The following MECOM variants were observed in gnomAD, a reference collection of about 807,000 sequenced individuals.
MECOM encodes the protein MDS1 and EVI1 complex locus, also known as histone-lysine N-methyltransferase MECOM.
Under a neutral mutation model 116.3 loss-of-function variants are expected in MECOM, and 13 were observed. The ratio of observed to expected loss-of-function variants is 0.11; its 90% confidence interval spans 0.07 to 0.18. MECOM has a LOEUF of 0.18. Among genes scored for constraint, MECOM ranks in the 10% least tolerant of loss-of-function variants. The pLI, the probability that MECOM is intolerant of heterozygous loss-of-function variation, is 1.00. For missense variants in MECOM, 1,299 were observed against 1,509.0 expected (o/e 0.86, Z 2.31); for synonymous variants, 528 against 535.2 (o/e 0.99, Z 0.19).
In MECOM at chr3:169,208,860, CA is replaced by C. The variant is rs1183239778; in HGVS notation, c.376-65029del. On this transcript the variant is annotated intron_variant, in intron 2 of 16. Transcript: ENST00000651503. ...AACTACTTTAAATTTCATTTGGAAC[CA>C]AAAAAGAGCCTGTATAGCCAAGACA... 6.8e-4 allele frequency among the ~76,000 whole-genome samples: 94 copies of C among 137,828 alleles called. 1 individual carries two copies. Among genetic ancestry groups the C allele is most frequent in the Non-Finnish European group, 8.2e-4 (52 of 63,672 alleles). 90.4% of individuals were successfully genotyped at this position (137,828 alleles called of 152,430 possible).
At chr3:169,663,112 T>C (rs1458608146) in intron 1 of MECOM, among the ~76,000 whole-genome samples, 4 of 137,586 alleles carry the variant, frequency 2.9e-5, no homozygotes, top group Non-Finnish European at 4.6e-5. Context: ...TGCGCGGGAC[T>C]GAGGGCTGCC....
chr3:169,542,860 T>C (rs557798099), intron 1 of MECOM, among the ~76,000 whole-genome samples: 31 of 152,260 alleles, frequency 2.0e-4, no homozygotes, highest in Non-Finnish European at 3.5e-4. Flanking sequence ...ACTATGTCTT[T>C]GGAAAGTTGA....
intron 1 of MECOM, among the ~76,000 whole-genome samples, chr3:169,536,143 C>T (rs983411725): frequency 1.3e-5 from 2 of 152,172 alleles, no homozygotes; most frequent in African/African-American, 2.4e-5. Flanking sequence ...GTTCTGTCCT[C>T]TTTCTGGGAT....
At chr3:169,514,664 C>T (rs185499326) in intron 1 of MECOM, among the ~76,000 whole-genome samples, 27 of 152,286 alleles carry the variant, frequency 1.8e-4, no homozygotes, top group Middle Eastern at 3.4e-3. Context: ...CTCTTGCATG[C>T]GATAGGACAG....
chr3:169,582,788 T>G (rs556492880), intron 1 of MECOM, among the ~76,000 whole-genome samples: 8 of 152,346 alleles, frequency 5.3e-5, no homozygotes, highest in Non-Finnish European at 7.4e-5. Flanking sequence ...AGGAGGCACA[T>G]TGTACAAGTT....
intron 1 of MECOM, among the ~76,000 whole-genome samples, chr3:169,406,083 T>C (rs1736648098): frequency 6.6e-6 from 1 of 152,242 alleles, no homozygotes; most frequent in African/African-American, 2.4e-5. Context: ...CCATTAATGA[T>C]ATCTCATACA....
At position 169,265,151 on chromosome 3, in the gene MECOM, G is replaced by A. The variant is rs1484736846; in HGVS notation, c.375+116036C>T. Among the ~76,000 whole-genome samples the A allele has an allele frequency of 2.0e-5, 3 of 152,052 alleles. No homozygotes were observed. The East Asian group carries it at 5.8e-4, about 29-fold the overall frequency. On this transcript the variant is annotated intron_variant, in intron 2 of 16. Transcript: ENST00000651503. ...ATGGCTATGATATATGGTAAATAAT[G>A]GCATTGTTGAGTTATTCATTCTAAA...
rs1165167849 is a variant in MECOM, at chr3:169,507,650, C to CTTTTTTTTTTTTTTTTTTTTTTT, written c.38-126149_38-126127dup. Reference sequence around the variant, plus strand: ...CAATTTTGGTTTAAATCCCCACTTGCTTTTTTTTTTTTTTTTTTTTTTTTT... The same window carrying CTTTTTTTTTTTTTTTTTTTTTTT: ...CAATTTTGGTTTAAATCCCCACTTGCTTTTTTTTTTTTTTTTTTTTTTTTTTTTTTTTTTTTTTTTTTTTTTTT... On this transcript the variant is annotated intron_variant, in intron 1 of 16. Transcript: ENST00000651503. Among the ~76,000 whole-genome samples, 43 of 57,144 alleles carry CTTTTTTTTTTTTTTTTTTTTTTT rather than the reference C, an allele frequency of 7.5e-4. 12 individuals carry two copies. The highest frequency in any genetic ancestry group is 1.6e-3 in the African/African-American group (20 of 12,236). 37.5% of individuals were successfully genotyped at this position (57,144 alleles called of 152,430 possible).
At chr3:169,318,470 C>A (rs964802775) in intron 2 of MECOM, among the ~76,000 whole-genome samples, 1 of 152,142 alleles carries the variant, frequency 6.6e-6, no homozygotes, top group Non-Finnish European at 1.5e-5. Flanking sequence ...TATGAACAGA[C>A]ACTTCTCAAA....
At chr3:169,479,077 T>G (rs181096383) in intron 1 of MECOM, among the ~76,000 whole-genome samples, 4 of 152,156 alleles carry the variant, frequency 2.6e-5, no homozygotes, top group Non-Finnish European at 5.9e-5. Flanking sequence ...TCTTTACTAA[T>G]ACTGTAGCCA....
At chr3:169,562,825 G>A (rs112241956) in intron 1 of MECOM, among the ~76,000 whole-genome samples, 4,181 of 152,218 alleles carry the variant, frequency 0.027, 183 homozygotes, top group African/African-American at 0.097. Flanking sequence ...ACTTTGGGAG[G>A]CCAAGGCGGG....
chr3:169,238,222 C>T (rs560313351), intron 2 of MECOM, among the ~76,000 whole-genome samples: 2 of 148,944 alleles, frequency 1.3e-5, no homozygotes, highest in East Asian at 3.9e-4. Context: ...TTTTTTCTGA[C>T]AAAATCAAAG....
intron 2 of MECOM, among the ~76,000 whole-genome samples, chr3:169,183,149 T>C (rs932334123): frequency 2.0e-5 from 3 of 152,220 alleles, no homozygotes; most frequent in East Asian, 1.9e-4. Flanking sequence ...GTTTGGCACA[T>C]AGTAACAAAG....
intron 1 of MECOM, among the ~76,000 whole-genome samples, chr3:169,483,391 G>T (rs1414707110): frequency 6.8e-6 from 1 of 146,786 alleles, no homozygotes; most frequent in Non-Finnish European, 1.5e-5. Context: ...ACTACCTTCA[G>T]CCCACACCTC....
chr3:169,461,802 C>A (rs894795809), intron 1 of MECOM, among the ~76,000 whole-genome samples: 7 of 152,104 alleles, frequency 4.6e-5, no homozygotes, highest in Non-Finnish European at 7.4e-5. Context: ...TGATTTAAGG[C>A]ATCTTATGGG....
chr3:169,224,790 A>G (rs1752537492), intron 2 of MECOM, among the ~76,000 whole-genome samples: 1 of 152,150 alleles, frequency 6.6e-6, no homozygotes, highest in Non-Finnish European at 1.5e-5. Flanking sequence ...GAATCAAGAA[A>G]CCTGAAAAGC....
intron 2 of MECOM, among the ~76,000 whole-genome samples, chr3:169,319,150 C>T (rs544250183): frequency 6.6e-6 from 1 of 150,780 alleles, no homozygotes; most frequent in Non-Finnish European, 1.5e-5. Flanking sequence ...GCACTATTCA[C>T]AATAGCAAAC....
At chr3:169,425,065 G>C (rs116054667) in intron 1 of MECOM, among the ~76,000 whole-genome samples, 1 of 150,510 alleles carries the variant, frequency 6.6e-6, no homozygotes, top group Non-Finnish European at 1.5e-5. Flanking sequence ...CGAGGGAAAA[G>C]AGGAAAATTA....
At position 169,363,083 on chromosome 3, in the gene MECOM, C is replaced by T. The variant is rs932330398; in HGVS notation, c.375+18104G>A. Among the ~76,000 whole-genome samples, 7 of 151,824 alleles carry T rather than the reference C, an allele frequency of 4.6e-5. No individual in the cohort carries two copies. The East Asian group carries it at 5.8e-4, about 13-fold the overall frequency. On this transcript the variant is annotated intron_variant, in intron 2 of 16. Coordinates refer to ENST00000651503, the MANE Select transcript of MECOM (RefSeq NM_004991.4). ...CACCTACTGTTCAGCCACAAAATAC[C>T]GCAGCTCATGCATCAACAAAACTTC...
Sources: allele counts gnomAD v4.1 joint callset (sites outside exome capture counted in the v4.1 genomes callset), GRCh38; gene constraint gnomAD v4.1.1; transcripts MANE v1.5; gene names NCBI Gene and HGNC (gene_info 2026-07-23, HGNC 2026-07-21).